SIPA1L3: variants seen among roughly 807,000 people sequenced by gnomAD.
SIPA1L3 encodes signal-induced proliferation-associated 1-like protein 3.
A neutral mutation model predicts 150.1 loss-of-function variants in SIPA1L3; 59 were observed. That is an observed-to-expected ratio of 0.39 (90% CI 0.32 to 0.49). The LOEUF (loss-of-function observed/expected upper bound fraction) is 0.49. Ranked by LOEUF, SIPA1L3 falls within the 20% of genes least tolerant of loss-of-function variation. The probability of loss-of-function intolerance (pLI) is 0.86; values close to 1 mark genes in which losing one functional copy is unlikely to be tolerated. For missense variants in SIPA1L3, 2,211 were observed against 2,489.5 expected, an observed-to-expected ratio of 0.89 and a Z score of 2.38; for synonymous variants, 1,070 against 1,077.6, an observed-to-expected ratio of 0.99 and a Z score of 0.14.
chr19:37,960,986 A>G (rs905739330), intron 1 of SIPA1L3, among the ~76,000 whole-genome samples: 7 of 151,850 alleles, frequency 4.6e-5, no homozygotes, highest in Non-Finnish European at 1.0e-4. Context: ...CTCCCGCCTC[A>G]TCCTCCTGAG....
At chr19:38,198,981 A>G (rs1346502153) in intron 19 of SIPA1L3, among the ~76,000 whole-genome samples, 4 of 152,174 alleles carry the variant, frequency 2.6e-5, no homozygotes, top group South Asian at 2.1e-4. Flanking sequence ...GAAAAAAAAA[A>G]TCTGTCCCTG....
chr19:38,145,253 C>T (rs777329724), intron 12 of SIPA1L3, among the ~76,000 whole-genome samples: 1 of 151,916 alleles, frequency 6.6e-6, no homozygotes, highest in Admixed American at 6.6e-5. Context: ...TACAGGTGGC[C>T]GGGCACAGTG....
At chr19:38,166,861 A>G (rs1394926466) in intron 15 of SIPA1L3, among the ~76,000 whole-genome samples, 7 of 150,938 alleles carry the variant, frequency 4.6e-5, no homozygotes, top group Non-Finnish European at 7.4e-5. Flanking sequence ...GGACACCCAC[A>G]CTCAGGCAGC....
At chr19:37,998,107 C>T (rs532060728) in intron 1 of SIPA1L3, among the ~76,000 whole-genome samples, 2 of 152,128 alleles carry the variant, frequency 1.3e-5, no homozygotes, top group Non-Finnish European at 2.9e-5. Flanking sequence ...GAGAAGAATG[C>T]TTAGGGCACT....
At chr19:37,925,889 G>A (rs1330349452) in intron 1 of SIPA1L3, among the ~76,000 whole-genome samples, 1 of 152,138 alleles carries the variant, frequency 6.6e-6, no homozygotes, top group Non-Finnish European at 1.5e-5. Flanking sequence ...ATTGCGCCCG[G>A]CCGATTTATT....
chr19:38,086,528 A>G (rs987970503), intron 3 of SIPA1L3, among the ~76,000 whole-genome samples: 1 of 152,132 alleles, frequency 6.6e-6, no homozygotes, highest in Admixed American at 6.6e-5. Context: ...AAAAAAGGTT[A>G]AAAATTTAGC....
chr19:38,196,639 C>T (rs749879816), intron 18 of SIPA1L3, among the ~76,000 whole-genome samples: 9 of 150,492 alleles, frequency 6.0e-5, no homozygotes, highest in Non-Finnish European at 1.2e-4. Context: ...AAGGGTGGAG[C>T]ATGGAGGTCA....
chr19:38,176,962 ACTCCGT>A (rs1972448054), intron 15 of SIPA1L3, among the ~76,000 whole-genome samples: 2 of 150,206 alleles, frequency 1.3e-5, no homozygotes, highest in Admixed American at 1.3e-4. Flanking sequence ...CAAGAGTGAA[ACTCCGT>A]CTCAAAAAAA....
intron 9 of SIPA1L3, among the ~76,000 whole-genome samples, chr19:38,122,501 T>C (rs1316742854): frequency 6.6e-6 from 1 of 152,148 alleles, no homozygotes; most frequent in Non-Finnish European, 1.5e-5. Context: ...ACACTTTCGA[T>C]GGTGTCCTTT....
chr19:38,140,442 C>T (rs1220482164), intron 10 of SIPA1L3, among the ~76,000 whole-genome samples: 3 of 151,696 alleles, frequency 2.0e-5, no homozygotes, highest in East Asian at 3.9e-4. Flanking sequence ...GTCACCTGCT[C>T]CTCTTCCAGC....
At chr19:38,157,326 G>A (rs1971971494) in intron 13 of SIPA1L3, among the ~76,000 whole-genome samples, 1 of 152,188 alleles carries the variant, frequency 6.6e-6, no homozygotes, top group African/African-American at 2.4e-5. Flanking sequence ...TTCATGTTTA[G>A]TCGTCTCAGG....
intron 1 of SIPA1L3, among the ~76,000 whole-genome samples, chr19:38,001,734 T>G (rs1467037411): frequency 6.6e-6 from 1 of 152,214 alleles, no homozygotes; most frequent in Non-Finnish European, 1.5e-5. Context: ...GGCCCTGCAG[T>G]TTTTTAGTAC....
intron 16 of SIPA1L3, among the ~76,000 whole-genome samples, chr19:38,189,836 G>A (rs372754836): frequency 6.6e-5 from 10 of 152,332 alleles, no homozygotes; most frequent in African/African-American, 2.4e-4. Context: ...GTAAACTCCA[G>A]TATACCAAGC....
intron 1 of SIPA1L3, among the ~76,000 whole-genome samples, chr19:37,985,509 A>G (rs1367650232): frequency 1.3e-5 from 2 of 152,198 alleles, no homozygotes; most frequent in Non-Finnish European, 2.9e-5. Flanking sequence ...AAGGAAAGGA[A>G]GGAAAGAAAC....
chr19:37,991,971 G>T (rs1235916130), intron 1 of SIPA1L3, among the ~76,000 whole-genome samples: 1 of 152,190 alleles, frequency 6.6e-6, no homozygotes, highest in Non-Finnish European at 1.5e-5. Flanking sequence ...TCAAATACCT[G>T]CCTCGTTGAC....
chr19:37,957,258 G>T (rs2046819165), intron 1 of SIPA1L3, among the ~76,000 whole-genome samples: 1 of 152,212 alleles, frequency 6.6e-6, no homozygotes, highest in Admixed American at 6.5e-5. Context: ...TTTGGCTTGT[G>T]TGGGTCCTTT....
At chr19:38,001,535 C>T (rs1277087808) in intron 1 of SIPA1L3, among the ~76,000 whole-genome samples, 1 of 152,166 alleles carries the variant, frequency 6.6e-6, no homozygotes. Flanking sequence ...AGGTGATCCT[C>T]TTGCCTCAGC....
chr19:37,968,582 G>C (rs1228107421), intron 1 of SIPA1L3, among the ~76,000 whole-genome samples: 1 of 152,214 alleles, frequency 6.6e-6, no homozygotes, highest in Admixed American at 6.5e-5. Context: ...CTGTCCGAAG[G>C]AAATGGAGAT....
chr19:37,913,136 T>A (rs2046389779), intron 1 of SIPA1L3, among the ~76,000 whole-genome samples: 1 of 152,100 alleles, frequency 6.6e-6, no homozygotes, highest in Non-Finnish European at 1.5e-5. Flanking sequence ...ATTGGCAAAA[T>A]GGGTATGATA....
Sources: allele counts gnomAD v4.1 joint callset (sites outside exome capture counted in the v4.1 genomes callset), GRCh38; gene constraint gnomAD v4.1.1; transcripts MANE v1.5; gene names NCBI Gene and HGNC (gene_info 2026-07-23, HGNC 2026-07-21).